Variants in TSPEAR observed in about 807,000 individuals in gnomAD.
The protein encoded by TSPEAR is thrombospondin-type laminin G domain and EAR repeat-containing protein.
Under a neutral mutation model 71.6 loss-of-function variants are expected in TSPEAR, and 69 were observed. The observed-to-expected ratio is 0.96, with a 90% CI of 0.79 to 1.18. TSPEAR has a LOEUF of 1.18. TSPEAR is among the 50% of genes most tolerant of loss of function. TSPEAR has a pLI of 0.00. For missense variants in TSPEAR, 971 were observed against 894.9 expected (o/e 1.09, Z -1.09); for synonymous variants, 402 against 387.2 (o/e 1.04, Z -0.45).
At chr21:44,560,552 C>T (rs782742052) in intron 2 of TSPEAR, among the ~76,000 whole-genome samples, 3 of 152,184 alleles carry the variant, frequency 2.0e-5, no homozygotes, top group Non-Finnish European at 2.9e-5. Flanking sequence ...TGTCACATGG[C>T]ACTTATTCTA....
At chr21:44,503,257 G>GGCC (rs1569147710) in intron 11 of TSPEAR, among the ~76,000 whole-genome samples, 5 of 95,532 alleles carry the variant, frequency 5.2e-5, no homozygotes, top group African/African-American at 2.3e-4. Flanking sequence ...GGGGGAAGCA[G>GGCC]TGTGCTGGGA....
intron 1 of TSPEAR, among the ~76,000 whole-genome samples, chr21:44,705,873 T>C (rs1316240223): frequency 6.6e-6 from 1 of 152,002 alleles, no homozygotes; most frequent in East Asian, 1.9e-4. Context: ...CCCACACCTA[T>C]TCGCACACTC....
At position 44,522,031 on chromosome 21, in the gene TSPEAR, G is replaced by T; in HGVS notation, c.1418C>A (p.Thr473Asn). The T allele has an allele frequency of 6.2e-7, 1 of 1,614,200 alleles. No homozygotes were observed. Among genetic ancestry groups the T allele is most frequent in the Non-Finnish European group, 8.5e-7 (1 of 1,180,012 alleles). Reference protein sequence around the residue: ...RLFEANQTIATSGAYDWEFFS... With the variant: ...RLFEANQTIANSGAYDWEFFS... ...GAACTCCCAGTCGTAGGCGCCGGAG[G>T]TGGCGATGGTCTGGTTGGCCTCGAA... Residue 473 changes from threonine (T) to asparagine (N), a missense_variant, in exon 9 of 12, where the codon ACC (threonine) becomes AAC (asparagine). Transcript: ENST00000323084.
rs368849440 is a variant in TSPEAR, at chr21:44,592,965, G to A, written c.83-24960C>T. ...CATGAGCCTTCATTGACCTGCCCTG[G>A]GCCATGGCATGGTGGGGGTGGGGGG... is the stretch of plus-strand genomic sequence containing the variant. On this transcript the variant is annotated intron_variant, in intron 1 of 11. Transcript: ENST00000323084. 1.2e-4 allele frequency among the ~76,000 whole-genome samples: 19 copies of A among 152,286 alleles called. No individual in the cohort carries two copies. The South Asian group carries it at 3.9e-3, about 32-fold the overall frequency.
chr21:44,523,187 CAATT>C (rs1365754272), intron 8 of TSPEAR, among the ~76,000 whole-genome samples: 1 of 148,650 alleles, frequency 6.7e-6, no homozygotes, highest in South Asian at 2.1e-4. Flanking sequence ...GCCAGCCAGC[CAATT>C]AGTCAGTGAA....
At chr21:44,599,139 T>TCTCTCTCTCTCTCTCTC (rs2146141941) in intron 1 of TSPEAR, among the ~76,000 whole-genome samples, 1 of 127,278 alleles carries the variant, frequency 7.9e-6, no homozygotes, top group South Asian at 2.8e-4. Flanking sequence ...CCATTTTCTC[T>TCTCTCTCTCTCTCTCTC]CTCTCTCTCT....
At chr21:44,649,916 A>T (rs2146246942) in intron 1 of TSPEAR, among the ~76,000 whole-genome samples, 1 of 152,262 alleles carries the variant, frequency 6.6e-6, no homozygotes, top group Admixed American at 6.5e-5. Flanking sequence ...TGGGCTGAAC[A>T]GTGTCCCCTT....
intron 1 of TSPEAR, among the ~76,000 whole-genome samples, chr21:44,589,699 G>A (rs587664976): frequency 1.3e-5 from 2 of 152,296 alleles, no homozygotes; most frequent in South Asian, 4.1e-4. Context: ...GACAGGCTGG[G>A]TCCTGTCGGT....
intron 1 of TSPEAR, among the ~76,000 whole-genome samples, chr21:44,692,713 C>A (rs1337273880): frequency 6.6e-6 from 1 of 151,990 alleles, no homozygotes; most frequent in Non-Finnish European, 1.5e-5. Flanking sequence ...TTAAAGAAGA[C>A]CTAAATAAAT....
intron 1 of TSPEAR, among the ~76,000 whole-genome samples, chr21:44,582,043 G>T (rs1428767913): frequency 6.6e-6 from 1 of 152,108 alleles, no homozygotes; most frequent in Non-Finnish European, 1.5e-5. Flanking sequence ...ATTAGTAGAG[G>T]TTGTGCGAGA....
At chr21:44,596,373 C>T (rs1452570801) in intron 1 of TSPEAR, among the ~76,000 whole-genome samples, 1 of 152,242 alleles carries the variant, frequency 6.6e-6, no homozygotes, top group Non-Finnish European at 1.5e-5. Flanking sequence ...CAGTCCCAAC[C>T]ACACTCAAGG....
At chr21:44,657,577 A>T (rs960457729) in intron 1 of TSPEAR, among the ~76,000 whole-genome samples, 9 of 152,224 alleles carry the variant, frequency 5.9e-5, no homozygotes, top group Non-Finnish European at 1.2e-4. Context: ...TTACTCTACA[A>T]AATTAAAGCT....
chr21:44,500,811 A>G (rs894195101), intron 11 of TSPEAR, among the ~76,000 whole-genome samples: 2 of 152,166 alleles, frequency 1.3e-5, no homozygotes, highest in African/African-American at 4.8e-5. Flanking sequence ...TTAAAGACAC[A>G]TTTTTTATTA....
chr21:44,545,752 T>C (rs1159666688), intron 2 of TSPEAR, among the ~76,000 whole-genome samples: 6 of 152,046 alleles, frequency 3.9e-5, no homozygotes, highest in Non-Finnish European at 7.4e-5. Flanking sequence ...TGAGATGCAG[T>C]GAAAGCAGTA....
chr21:44,507,222 G>A (rs1201464347), intron 10 of TSPEAR: 2 of 152,260 alleles, frequency 1.3e-5, no homozygotes, highest in African/African-American at 2.4e-5. Flanking sequence ...GGGTGTGGGG[G>A]GCTCCTTGTG....
At chr21:44,700,368 C>T (rs559701710) in intron 1 of TSPEAR, among the ~76,000 whole-genome samples, 37 of 152,110 alleles carry the variant, frequency 2.4e-4, no homozygotes, top group Non-Finnish European at 3.2e-4. Context: ...CCTCCTCTGC[C>T]GACCCCCAGT....
intron 7 of TSPEAR, among the ~76,000 whole-genome samples, 170 bp downstream of exon 7, chr21:44,527,122 A>G (rs1218200188): frequency 6.6e-6 from 1 of 152,098 alleles, no homozygotes; most frequent in Non-Finnish European, 1.5e-5. Context: ...CACATCCTGG[A>G]TTTAGGGTGG....
chr21:44,527,324 G>C lies in TSPEAR; in HGVS notation c.1117C>G (p.Gln373Glu). ...CCGATGGTGAAATGCCTCCAGGCCT[G>C]TGCTTGGTGCGTGGGGATGTTCTGA... is the stretch of plus-strand genomic sequence containing the variant. ...SYQNIPTHQA[Q>E]AWRHFTIGKK... Residue 373 changes from glutamine (Q) to glutamate (E), a missense_variant, in exon 7 of 12, where the codon CAG becomes GAG. By Grantham distance (29) the Gln-to-Glu change is conservative. Coordinates refer to ENST00000323084, the MANE Select transcript of TSPEAR (RefSeq NM_144991.3). 1 of 1,614,210 alleles carries C rather than the reference G, an allele frequency of 6.2e-7. No individual in the cohort carries two copies. The highest frequency in any genetic ancestry group is 8.5e-7 in the Non-Finnish European group (1 of 1,180,046).
chr21:44,500,496 C>T (rs1407580460), intron 11 of TSPEAR, among the ~76,000 whole-genome samples: 2 of 152,192 alleles, frequency 1.3e-5, no homozygotes, highest in Non-Finnish European at 2.9e-5. Flanking sequence ...CAAGGCAGGG[C>T]GCCGACATCA....
Sources: gnomAD v4.1 joint callset for allele counts (sites outside exome capture counted in the v4.1 genomes callset) on GRCh38, gnomAD v4.1.1 for gene constraint, MANE v1.5 for transcripts, NCBI Gene and HGNC (gene_info 2026-07-23, HGNC 2026-07-21) for gene names.